ST7: variants seen among roughly 807,000 people sequenced by gnomAD.
The protein encoded by ST7 is suppressor of tumorigenicity 7 protein.
A neutral mutation model predicts 78.7 loss-of-function variants in ST7; 28 were observed. The observed-to-expected ratio is 0.36, with a 90% CI of 0.26 to 0.49. The LOEUF is 0.49. ST7 is among the 20% of genes least tolerant of loss of function. The pLI is 0.99. For synonymous variants in ST7, 247 were observed against 249.6 expected, an observed-to-expected ratio of 0.99 and a Z score of 0.10; for missense variants, 418 against 696.0, an observed-to-expected ratio of 0.60 and a Z score of 4.49.
intron 1 of ST7, among the ~76,000 whole-genome samples, chr7:117,032,997 G>A (rs751526943): frequency 4.6e-5 from 7 of 152,176 alleles, no homozygotes; most frequent in Non-Finnish European, 1.0e-4. Flanking sequence ...GTTTTACTAT[G>A]TTGCTTTGGG....
At chr7:117,124,221 TAAG>T (rs1803639301) in intron 3 of ST7, among the ~76,000 whole-genome samples, 1 of 152,134 alleles carries the variant, frequency 6.6e-6, no homozygotes. Context: ...ATTTTATCGA[TAAG>T]AAGCCATTTG....
intron 1 of ST7, among the ~76,000 whole-genome samples, chr7:117,085,886 G>GA (rs903242002): frequency 2.0e-5 from 3 of 151,554 alleles, no homozygotes; most frequent in East Asian, 1.9e-4. Flanking sequence ...CATTCCAATA[G>GA]AAAAAAAGGC....
intron 1 of ST7, among the ~76,000 whole-genome samples, chr7:116,998,716 G>A (rs1794794517): frequency 6.6e-6 from 1 of 152,188 alleles, no homozygotes; most frequent in African/African-American, 2.4e-5. Flanking sequence ...CTTATGTTCT[G>A]GTGAGAAAAA....
chr7:117,013,334 A>C (rs560455975), intron 1 of ST7, among the ~76,000 whole-genome samples: 1 of 152,338 alleles, frequency 6.6e-6, no homozygotes, highest in Non-Finnish European at 1.5e-5. Flanking sequence ...AGGCTTCCCA[A>C]TCTGTACCCT....
At chr7:116,960,958 A>AT (rs1258539530) in intron 1 of ST7, among the ~76,000 whole-genome samples, 1 of 152,168 alleles carries the variant, frequency 6.6e-6, no homozygotes, top group East Asian at 1.9e-4. Flanking sequence ...TTGGTTTTAC[A>AT]TTTAAGTCTC....
At position 117,125,976 on chromosome 7, in the gene ST7, G is replaced by A. The variant is rs558857113; in HGVS notation, c.395-3817G>A. 6.6e-4 allele frequency among the ~76,000 whole-genome samples: 100 copies of A among 152,006 alleles called. 3 individuals are homozygous for A. In the South Asian group the frequency reaches 0.02, roughly 31 times the overall value. On this transcript the variant is annotated intron_variant, in intron 3 of 15. Transcript: ENST00000323984. ...AGACCTTAGGGAAATTAGCTTTTCTGTACTTTTTACTTATGTAAAAAGGGT... is the reference window on the plus strand; with the variant it reads ...AGACCTTAGGGAAATTAGCTTTTCTATACTTTTTACTTATGTAAAAAGGGT...
At chr7:117,040,522 G>A (rs751211803) in intron 1 of ST7, among the ~76,000 whole-genome samples, 1 of 152,194 alleles carries the variant, frequency 6.6e-6, no homozygotes, top group Non-Finnish European at 1.5e-5. Flanking sequence ...TTAGTGGGTA[G>A]GTATATATTT....
intron 2 of ST7, among the ~76,000 whole-genome samples, chr7:117,103,306 G>C (rs1464358361): frequency 1.3e-5 from 2 of 152,090 alleles, no homozygotes; most frequent in Non-Finnish European, 2.9e-5. Flanking sequence ...GCAATCCTGA[G>C]CAAAAAGAAC....
At chr7:117,033,982 C>T (rs1166513726) in intron 1 of ST7, among the ~76,000 whole-genome samples, 1 of 152,152 alleles carries the variant, frequency 6.6e-6, no homozygotes, top group East Asian at 1.9e-4. Flanking sequence ...TCACTCTGCA[C>T]CCAGGCTTGA....
intron 1 of ST7, among the ~76,000 whole-genome samples, chr7:117,065,204 C>CTTT (rs11363365): frequency 5.4e-5 from 5 of 91,814 alleles, no homozygotes; most frequent in East Asian, 2.9e-4. Flanking sequence ...TGGTTCAAGT[C>CTTT]TTTTTTTTTT....
intron 1 of ST7, among the ~76,000 whole-genome samples, chr7:116,986,131 C>A (rs764737750): frequency 1.3e-5 from 2 of 152,228 alleles, no homozygotes; most frequent in Non-Finnish European, 2.9e-5. Context: ...CCACGCCCAG[C>A]GTGATAATTT....
rs908953353 is a variant in ST7 at position 117,150,713 on chromosome 7, C to T, written c.963+12181C>T. Among the ~76,000 whole-genome samples the T allele has an allele frequency of 3.3e-5, 5 of 152,188 alleles. No homozygotes were observed. In the South Asian group the frequency reaches 1.0e-3, roughly 32 times the overall value. On this transcript the variant is annotated intron_variant, in intron 9 of 15. Coordinates refer to ENST00000323984, the MANE Select transcript of ST7 (RefSeq NM_001369598.1). ...AATACAGGCTGTAAGGTAATGACTC[C>T]TATAGTTGTATTTCCCTCTTCTCTG...
chr7:117,004,396 C>T (rs767822480), intron 1 of ST7, among the ~76,000 whole-genome samples: 4 of 152,072 alleles, frequency 2.6e-5, no homozygotes, highest in Admixed American at 6.6e-5. Context: ...CTCAACAATT[C>T]GGAAATATGC....
At chr7:117,183,487 C>G (rs944039465) in intron 10 of ST7, among the ~76,000 whole-genome samples, 1 of 151,850 alleles carries the variant, frequency 6.6e-6, no homozygotes, top group Non-Finnish European at 1.5e-5. Flanking sequence ...AGGTACAACT[C>G]TTAAGTGCAG....
intron 1 of ST7, among the ~76,000 whole-genome samples, chr7:117,043,612 TC>T (rs1328286988): frequency 6.6e-6 from 1 of 152,208 alleles, no homozygotes. Context: ...TGGAAGCTTG[TC>T]ATAAATGGGG....
chr7:117,057,635 G>T (rs1031142666), intron 1 of ST7, among the ~76,000 whole-genome samples: 2 of 152,066 alleles, frequency 1.3e-5, no homozygotes, highest in Non-Finnish European at 2.9e-5. Context: ...AACATTATTA[G>T]ATATTAAGCT....
intron 2 of ST7, among the ~76,000 whole-genome samples, chr7:117,102,266 C>CG (rs1186988561): frequency 1.2e-4 from 18 of 152,094 alleles, no homozygotes; most frequent in African/African-American, 3.9e-4. Context: ...TTTGTCGGGG[C>CG]GGGGGCAGGA....
At chr7:117,097,908 A>ATATATATATATATATTTTTTTT in intron 1 of ST7, among the ~76,000 whole-genome samples, 2 of 30,010 alleles carry the variant, frequency 6.7e-5, no homozygotes, top group Non-Finnish European at 1.1e-4. Context: ...ATATATATAT[A>ATATATATATATATATTTTTTTT]TTTTTTTTTT....
intron 9 of ST7, among the ~76,000 whole-genome samples, chr7:117,143,319 A>G (rs897601064): frequency 1.3e-5 from 2 of 152,086 alleles, no homozygotes; most frequent in Admixed American, 1.3e-4. Context: ...CTCTTCCTGT[A>G]TCCTGGCCTC....
Sources: allele counts gnomAD v4.1 joint callset (sites outside exome capture counted in the v4.1 genomes callset), GRCh38; gene constraint gnomAD v4.1.1; transcripts MANE v1.5; gene names NCBI Gene and HGNC (gene_info 2026-07-23, HGNC 2026-07-21).